Variants in MTHFD2 observed in about 807,000 individuals in gnomAD.
The protein encoded by MTHFD2 is methylenetetrahydrofolate dehydrogenase (NADP+ dependent) 2, methenyltetrahydrofolate cyclohydrolase.
In MTHFD2, 26 loss-of-function variants were observed where a neutral mutation model predicts 36.8. That is an observed-to-expected ratio of 0.71 (90% CI 0.52 to 0.98). MTHFD2 has a LOEUF of 0.98. Ranked by LOEUF, MTHFD2 falls within the 50% of genes least tolerant of loss-of-function variation. MTHFD2 has a pLI of 0.00. For synonymous variants in MTHFD2, 164 were observed against 155.2 expected, an observed-to-expected ratio of 1.06 and a Z score of -0.42; for missense variants, 373 against 434.0, an observed-to-expected ratio of 0.86 and a Z score of 1.25.
intron 2 of MTHFD2, among the ~76,000 whole-genome samples, chr2:74,207,007 C>T (rs1422981319): frequency 6.6e-6 from 1 of 151,432 alleles, no homozygotes; most frequent in Non-Finnish European, 1.5e-5. Context: ...GGATTACAGG[C>T]GTGAGCCACT....
rs1049598218 is a variant in MTHFD2, at chr2:74,201,885, A to G, written c.101+3143A>G. Among the ~76,000 whole-genome samples, 6 of 152,096 alleles carry G rather than the reference A, an allele frequency of 3.9e-5. No individual in the cohort carries two copies. The South Asian group carries it at 6.2e-4, about 16-fold the overall frequency. ...GAAGCAGAGGAGGGCTGACAGTTAT[A>G]CTATGAAAGATATTCATTGCATGTG... On this transcript the variant is annotated intron_variant, in intron 1 of 7. Coordinates refer to ENST00000394053, the MANE Select transcript of MTHFD2 (RefSeq NM_006636.4).
At chr2:74,210,383 G>GA (rs1208499963) in intron 5 of MTHFD2, among the ~76,000 whole-genome samples, 1 of 152,154 alleles carries the variant, frequency 6.6e-6, no homozygotes, top group Non-Finnish European at 1.5e-5. Context: ...TCATTTAGTG[G>GA]AAAAAAATCT....
intron 2 of MTHFD2, 97 bp from the exon 3 acceptor site, chr2:74,207,607 A>G: frequency 1.7e-6 from 2 of 1,192,868 alleles, no homozygotes; most frequent in Non-Finnish European, 1.2e-6. Flanking sequence ...GAGTGTGATG[A>G]TACAAAACCC....
At position 74,216,576 on chromosome 2, in the gene MTHFD2, A is replaced by G. The variant is rs553262416; in HGVS notation, c.*2334A>G. 1.2e-4 allele frequency: 18 copies of G among 152,268 alleles called. No homozygotes were observed. The highest frequency in any genetic ancestry group is 1.1e-3 in the Admixed American group (17 of 15,278). The allele number at this position is 152,268 out of a possible 1,614,324, so 9.4% of individuals were successfully genotyped here. A position where few individuals can be genotyped will look rare whatever the true frequency, so the allele number is the denominator to read the frequency against. On this transcript the variant is annotated 3_prime_UTR_variant, in exon 8 of 8. Coordinates refer to ENST00000394053, the MANE Select transcript of MTHFD2 (RefSeq NM_006636.4). ...AGGGTGGATTGTTAGCTTCCCCAGG[A>G]TTGGTGTGGATGATAAATACTTTTT...
rs1417310005 is a variant in MTHFD2 at position 74,217,557 on chromosome 2, G to A, written c.*3315G>A. On this transcript the variant is annotated 3_prime_UTR_variant, in exon 8 of 8. Transcript: ENST00000394053. ...GGAATAAACATTGAAAATTTGCAGG[G>A]AGGACCCACCCAAATGTATCATGAA... 1 of 152,146 alleles carries A rather than the reference G, an allele frequency of 6.6e-6. No homozygotes were observed. Among genetic ancestry groups the A allele is most frequent in the Non-Finnish European group, 1.5e-5 (1 of 68,026 alleles). 9.4% of individuals were successfully genotyped at this position (152,146 alleles called of 1,614,324 possible). A position where few individuals can be genotyped will look rare whatever the true frequency, so the allele number is the denominator to read the frequency against.
intron 1 of MTHFD2, among the ~76,000 whole-genome samples, chr2:74,201,963 T>C (rs573080875): frequency 4.0e-5 from 6 of 151,562 alleles, no homozygotes; most frequent in Non-Finnish European, 7.4e-5. Context: ...CTTTTCTTTT[T>C]TTTTTTTTAA....
In MTHFD2 at chr2:74,207,801, C is replaced by T. The variant is rs1694216297; in HGVS notation, c.384C>T (p.Gly128=). The T allele has an allele frequency of 6.3e-7, 1 of 1,581,172 alleles. No homozygotes were observed. ...NKLNNDDNVD[G]LLVQLPLPEH... ...TGAATAATGATGATAATGTAGATGG[C>T]CTCCTTGTTCAGTTGCCTCTTCCAG... The change falls in exon 3 of 8, where the codon GGC becomes GGT. Residue 128 remains glycine, a synonymous_variant. Transcript: ENST00000394053.
rs1477484993 is a variant in MTHFD2, at chr2:74,198,624, C to A, written c.-18C>A. ...CCGCGCGCGCGCTTCCCTCCCGGCG[C>A]AGTCACCGGCGCGGTCTATGGCTGC... On this transcript the variant is annotated 5_prime_UTR_variant, in exon 1 of 8. Transcript: ENST00000394053. 6.3e-7 allele frequency: 1 copy of A among 1,588,368 alleles called. No homozygotes were observed.
At chr2:74,203,841 A>AGTTTAG (rs1553448277) in intron 1 of MTHFD2, among the ~76,000 whole-genome samples, 2 of 63,844 alleles carry the variant, frequency 3.1e-5, no homozygotes, top group South Asian at 5.6e-4. Flanking sequence ...AGAGATGCTC[A>AGTTTAG]TCTAGTTTAG....
At chr2:74,206,825 C>T (rs1723281) in intron 2 of MTHFD2, among the ~76,000 whole-genome samples, 45,331 of 152,150 alleles carry the variant, frequency 0.3, 8,355 homozygotes, top group Middle Eastern at 0.47. Flanking sequence ...TCTCCTGCCT[C>T]AGCCTACCGA....
chr2:74,208,218 T>TA (rs1694225526), intron 3 of MTHFD2, among the ~76,000 whole-genome samples: 1 of 152,246 alleles, frequency 6.6e-6, no homozygotes, highest in Non-Finnish European at 1.5e-5. Context: ...AAGGCCTTGT[T>TA]ACTTTATACA....
rs9282785 is a variant in MTHFD2, at chr2:74,208,492, G to A, written c.410-77G>A. 153 of 1,488,924 alleles carry A rather than the reference G, an allele frequency of 1.0e-4. No homozygotes were observed. In the African/African-American group the frequency reaches 1.3e-3, roughly 12 times the overall value. 92.2% of individuals were successfully genotyped at this position (1,488,924 alleles called of 1,614,324 possible). A position where few individuals can be genotyped will look rare whatever the true frequency, so the allele number is the denominator to read the frequency against. ...GCTGTAGAAGAATAGATTTCCTTGC[G>A]AAGCAGATAAGCTGGAGTCAGGCAG... On this transcript the variant is annotated intron_variant, in intron 3 of 7. Transcript: ENST00000394053.
chr2:74,201,863 G>A lies in MTHFD2; in HGVS notation c.101+3121G>A, dbSNP rs548510705. Among the ~76,000 whole-genome samples the A allele has an allele frequency of 3.9e-5, 6 of 152,322 alleles. No individual in the cohort carries two copies. In the South Asian group the frequency reaches 1.2e-3, roughly 32 times the overall value. On this transcript the variant is annotated intron_variant, in intron 1 of 7. Transcript: ENST00000394053. ...TTCACATTTTGCAGAGTTGTGGGAA[G>A]CAGAGGAGGGCTGACAGTTATACTA...
At chr2:74,198,788 C>A in intron 1 of MTHFD2, 46 bp downstream of exon 1, 1 of 1,520,154 alleles carries the variant, frequency 6.6e-7, no homozygotes. Context: ...CTGAGGGGAA[C>A]GGAGGGCGAG....
intron 2 of MTHFD2, chr2:74,206,253 TA>T (rs1694176903): frequency 5.4e-6 from 1 of 185,540 alleles, no homozygotes; most frequent in African/African-American, 2.3e-5. Flanking sequence ...CTTAGAGGCT[TA>T]GGGGGCATGA....
rs71406865 is a variant in MTHFD2, at chr2:74,210,785, G to GTTTTT, written c.671-401_671-397dup. On this transcript the variant is annotated intron_variant, in intron 5 of 7. Coordinates refer to ENST00000394053, the MANE Select transcript of MTHFD2 (RefSeq NM_006636.4). ...AAACATGGCACAAGCCATTAAGTCA[G>GTTTTT]TTTTTTTTTTTTTTTTTCCTGGAGA... Among the ~76,000 whole-genome samples, 86 of 132,042 alleles carry GTTTTT rather than the reference G, an allele frequency of 6.5e-4. 2 individuals are homozygous for GTTTTT. The highest frequency in any genetic ancestry group is 5.8e-3 in the Admixed American group (69 of 11,980). 86.6% of individuals were successfully genotyped at this position (132,042 alleles called of 152,430 possible). A position where few individuals can be genotyped will look rare whatever the true frequency, so the allele number is the denominator to read the frequency against.
Position 74,203,862 on chromosome 2 carries a change from T to A in MTHFD2, c.102-1843T>A, listed in dbSNP as rs1558852746. Among the ~76,000 whole-genome samples, 7 of 52,914 alleles carry A rather than the reference T, an allele frequency of 1.3e-4. No individual in the cohort carries two copies. The South Asian group carries it at 3.0e-3, about 23-fold the overall frequency. The allele number at this position is 52,914 out of a possible 152,430, so 34.7% of individuals were successfully genotyped here. A position where few individuals can be genotyped will look rare whatever the true frequency, so the allele number is the denominator to read the frequency against. On this transcript the variant is annotated intron_variant, in intron 1 of 7. Coordinates refer to ENST00000394053, the MANE Select transcript of MTHFD2 (RefSeq NM_006636.4). ...GCTCATCTAGTTTAGTTTAGTTTAG[T>A]TTAGTTTAGTTTAGTTTAGTTTAGT...
intron 5 of MTHFD2, among the ~76,000 whole-genome samples, chr2:74,210,557 C>G (rs201145378): frequency 6.6e-6 from 1 of 152,156 alleles, no homozygotes; most frequent in Non-Finnish European, 1.5e-5. Flanking sequence ...ATACTTTCAA[C>G]TATCTTTCAA....
Position 74,200,687 on chromosome 2 carries a change from A to G in MTHFD2, c.101+1945A>G, listed in dbSNP as rs1171207623. 2.0e-5 allele frequency among the ~76,000 whole-genome samples: 3 copies of G among 152,260 alleles called. No individual in the cohort carries two copies. The East Asian group carries it at 5.8e-4, about 29-fold the overall frequency. On this transcript the variant is annotated intron_variant, in intron 1 of 7. Transcript: ENST00000394053. ...AAGTTTGCCTTTGAATCTTGTTTCT[A>G]CTATCCTCAGTTTCATCTTCTGTAT...
Sources: gnomAD v4.1 joint callset for allele counts (sites outside exome capture counted in the v4.1 genomes callset) on GRCh38, gnomAD v4.1.1 for gene constraint, MANE v1.5 for transcripts, NCBI Gene and HGNC (gene_info 2026-07-23, HGNC 2026-07-21) for gene names.